The following TULP3 variants were observed in gnomAD, a reference collection of about 807,000 sequenced individuals.
TULP3 encodes tubby-related protein 3.
A neutral mutation model predicts 50.7 loss-of-function variants in TULP3; 38 were observed. That is an observed-to-expected ratio of 0.75 (90% CI 0.58 to 0.98). The LOEUF (loss-of-function observed/expected upper bound fraction) is 0.98, where lower values mean the gene tolerates loss of function less well. Among genes scored for constraint, TULP3 ranks in the 50% least tolerant of loss-of-function variants. TULP3 has a pLI of 0.00. For missense variants in TULP3, 550 were observed against 568.0 expected (o/e 0.97, Z 0.32); for synonymous variants, 183 against 196.6 (o/e 0.93, Z 0.58).
chr12:2,934,389 G>A, intron 7 of TULP3, 58 bp from the exon 8 acceptor site: 4 of 1,160,876 alleles, frequency 3.4e-6, no homozygotes, highest in Non-Finnish European at 4.8e-6. Flanking sequence ...CTCTTAGATT[G>A]TGTTTGTATA....
chr12:2,921,091 G>A (rs1364854707), intron 3 of TULP3, among the ~76,000 whole-genome samples, 169 bp downstream of exon 3: 1 of 152,120 alleles, frequency 6.6e-6, no homozygotes. Flanking sequence ...TAAAAGCAAT[G>A]ATATAATCAG....
intron 4 of TULP3, among the ~76,000 whole-genome samples, chr12:2,925,075 C>T (rs933464633): frequency 6.6e-6 from 1 of 150,780 alleles, no homozygotes; most frequent in Non-Finnish European, 1.5e-5. Context: ...GGTTGAGGCA[C>T]GAGAATGGCG....
At chr12:2,936,472 C>A (rs958494251) in intron 8 of TULP3, among the ~76,000 whole-genome samples, 1 of 151,680 alleles carries the variant, frequency 6.6e-6, no homozygotes, top group Non-Finnish European at 1.5e-5. Context: ...AGTAAGAGGC[C>A]GGGCGTGGTG....
intron 2 of TULP3, among the ~76,000 whole-genome samples, chr12:2,916,108 C>T (rs574095360): frequency 6.6e-6 from 1 of 152,278 alleles, no homozygotes; most frequent in South Asian, 2.1e-4. Flanking sequence ...CTCCCGGGTT[C>T]AAGCAATTCT....
rs2098197962 is a variant in TULP3 at position 2,931,388 on chromosome 12, C to A, written c.696+148C>A. The A allele has an allele frequency of 6.7e-6, 5 of 749,144 alleles. No individual in the cohort carries two copies. In the East Asian group the frequency reaches 1.4e-4, roughly 20 times the overall value. The allele number at this position is 749,144 out of a possible 1,614,324, so 46.4% of individuals were successfully genotyped here. ...TCTTTCAGTCCCCAGATGCTGTGTT[C>A]TCATTTTCTGCAAAGAGCTCATGGT... On this transcript the variant is annotated intron_variant, in intron 6 of 10. Coordinates refer to ENST00000448120, the MANE Select transcript of TULP3 (RefSeq NM_003324.5).
At chr12:2,933,236 C>T (rs943982226) in intron 6 of TULP3, among the ~76,000 whole-genome samples, 182 bp from the exon 7 acceptor site, 1 of 152,106 alleles carries the variant, frequency 6.6e-6, no homozygotes, top group African/African-American at 2.4e-5. Flanking sequence ...CCACCACACC[C>T]TGCCTGATAG....
rs918493504 is a variant in TULP3, at chr12:2,933,305, A to G, written c.697-113A>G. ...AAGGCCCAAAGATTAACAGCTTGAC[A>G]TATGCTGAGGACTTGCTAAGCACTG... On this transcript the variant is annotated intron_variant, in intron 6 of 10. Coordinates refer to ENST00000448120, the MANE Select transcript of TULP3 (RefSeq NM_003324.5). 1.4e-5 allele frequency: 9 copies of G among 661,026 alleles called. No individual in the cohort carries two copies. The East Asian group carries it at 2.2e-4, about 16-fold the overall frequency. 40.9% of individuals were successfully genotyped at this position (661,026 alleles called of 1,614,324 possible).
At chr12:2,900,679 C>T (rs2098178614) in intron 1 of TULP3, among the ~76,000 whole-genome samples, 1 of 150,154 alleles carries the variant, frequency 6.7e-6, no homozygotes, top group Non-Finnish European at 1.5e-5. Context: ...TCTTCTATTC[C>T]TGTAGACCTT....
At chr12:2,917,928 AT>A (rs1373740017) in intron 2 of TULP3, among the ~76,000 whole-genome samples, 1 of 151,590 alleles carries the variant, frequency 6.6e-6, no homozygotes, top group Admixed American at 6.6e-5. Context: ...TCTACTAAAA[AT>A]ACAAAAAAAA....
chr12:2,940,592 G>C lies in TULP3; in HGVS notation c.*1148G>C, dbSNP rs560081512. 22 of 1,551,740 alleles carry C rather than the reference G, an allele frequency of 1.4e-5. No homozygotes were observed. In the East Asian group the frequency reaches 4.9e-4, roughly 34 times the overall value. On this transcript the variant is annotated 3_prime_UTR_variant, in exon 11 of 11. Transcript: ENST00000448120. ...GCTCCACCGTCAGCACCATTCAGCT[G>C]CATCCCTTGTGCACAGAACTGTTTG...
At chr12:2,928,603 T>C (rs190204336) in intron 4 of TULP3, among the ~76,000 whole-genome samples, 22 of 152,200 alleles carry the variant, frequency 1.4e-4, no homozygotes, top group East Asian at 5.8e-4. Flanking sequence ...TAATGCATCA[T>C]TGAATTTTTT....
chr12:2,940,145 C>T lies in TULP3; in HGVS notation c.*701C>T, dbSNP rs1000919413. ...CTGAAAGCATAAACTCTAGAGGTGACTCAGTCAGGACTGACAGTAATGTGA... is the reference window on the plus strand; with the variant it reads ...CTGAAAGCATAAACTCTAGAGGTGATTCAGTCAGGACTGACAGTAATGTGA... On this transcript the variant is annotated 3_prime_UTR_variant, in exon 11 of 11. Coordinates refer to ENST00000448120, the MANE Select transcript of TULP3 (RefSeq NM_003324.5). 8 of 1,296,662 alleles carry T rather than the reference C, an allele frequency of 6.2e-6. No individual in the cohort carries two copies. In the South Asian group the frequency reaches 8.6e-5, roughly 14 times the overall value. 80.3% of individuals were successfully genotyped at this position (1,296,662 alleles called of 1,614,324 possible). A position where few individuals can be genotyped will look rare whatever the true frequency, so the allele number is the denominator to read the frequency against.
Position 2,940,951 on chromosome 12 carries a change from A to C in TULP3, c.*1507A>C. Reference sequence around the variant, plus strand: ...CTGGTTGGCCACAGAAGCTATTAATACACGACAGCATGTGGGGAAGGACTT... The same window carrying C: ...CTGGTTGGCCACAGAAGCTATTAATCCACGACAGCATGTGGGGAAGGACTT... On this transcript the variant is annotated 3_prime_UTR_variant, in exon 11 of 11. Coordinates refer to ENST00000448120, the MANE Select transcript of TULP3 (RefSeq NM_003324.5). The C allele has an allele frequency of 1.9e-6, 1 of 522,656 alleles. No homozygotes were observed. The highest frequency in any genetic ancestry group is 3.4e-6 in the Non-Finnish European group (1 of 294,544). 32.4% of individuals were successfully genotyped at this position (522,656 alleles called of 1,614,324 possible). A position where few individuals can be genotyped will look rare whatever the true frequency, so the allele number is the denominator to read the frequency against.
intron 2 of TULP3, among the ~76,000 whole-genome samples, chr12:2,915,465 A>C (rs1365708390): frequency 6.6e-6 from 1 of 152,092 alleles, no homozygotes; most frequent in African/African-American, 2.4e-5. Flanking sequence ...TATTTTAAGA[A>C]GTCTAGTTTA....
At chr12:2,893,856 A>C (rs10774070) in intron 1 of TULP3, among the ~76,000 whole-genome samples, 73,446 of 149,606 alleles carry the variant, frequency 0.49, 18,667 homozygotes, top group African/African-American at 0.64. Flanking sequence ...GTTGCCCAGG[A>C]TGGTCTTGAA....
intron 2 of TULP3, among the ~76,000 whole-genome samples, chr12:2,911,348 G>C (rs2098185348): frequency 6.6e-6 from 1 of 151,470 alleles, no homozygotes; most frequent in Admixed American, 6.6e-5. Context: ...TCCAGAGATA[G>C]TCAGTGAATT....
At chr12:2,893,162 C>T (rs1252988790) in intron 1 of TULP3, among the ~76,000 whole-genome samples, 1 of 151,746 alleles carries the variant, frequency 6.6e-6, no homozygotes, top group African/African-American at 2.4e-5. Flanking sequence ...TGCACTTGGC[C>T]CTAAATTGTA....
At chr12:2,891,191 C>T (rs770115991) in intron 1 of TULP3, among the ~76,000 whole-genome samples, 1 of 152,174 alleles carries the variant, frequency 6.6e-6, no homozygotes, top group Non-Finnish European at 1.5e-5. Flanking sequence ...AGCGGCGGCA[C>T]TACATCCCGC....
In TULP3 at chr12:2,939,882, TGA is replaced by T; in HGVS notation, c.*443_*444del. ...GTGAGGGATCACAGCTTAGCATGGG[TGA>T]GAGATGATTTAAAGCACAGGGAGAT... On this transcript the variant is annotated 3_prime_UTR_variant, in exon 11 of 11. Transcript: ENST00000448120. The surrounding 1 kb of genome is among the most constrained non-coding windows in gnomAD (Gnocchi z 4.0). 8.1e-7 allele frequency: 1 copy of T among 1,227,336 alleles called. No individual in the cohort carries two copies. The highest frequency in any genetic ancestry group is 5.8e-5 in the East Asian group (1 of 17,320). 76.0% of individuals were successfully genotyped at this position (1,227,336 alleles called of 1,614,324 possible). A position where few individuals can be genotyped will look rare whatever the true frequency, so the allele number is the denominator to read the frequency against.
Sources: gnomAD v4.1 joint callset for allele counts (sites outside exome capture counted in the v4.1 genomes callset) on GRCh38, gnomAD v4.1.1 for gene constraint, Gnocchi (gnomAD v3.1) non-coding constraint, MANE v1.5 for transcripts, NCBI Gene and HGNC (gene_info 2026-07-23, HGNC 2026-07-21) for gene names.